HOXA10: variants seen among roughly 807,000 people sequenced by gnomAD.
HOXA10 encodes homeobox protein Hox-A10.
In HOXA10, 12 loss-of-function variants were observed where a neutral mutation model predicts 29.7. That is an observed-to-expected ratio of 0.40 (90% CI 0.26 to 0.65). The LOEUF (loss-of-function observed/expected upper bound fraction) is 0.65, where lower values mean the gene tolerates loss of function less well. Among genes scored for constraint, HOXA10 ranks in the 30% least tolerant of loss-of-function variants. HOXA10 has a pLI of 0.37. For synonymous variants in HOXA10, 327 were observed against 280.7 expected, an observed-to-expected ratio of 1.16 and a Z score of -1.65; for missense variants, 656 against 585.9, an observed-to-expected ratio of 1.12 and a Z score of -1.24.
upstream of HOXA10, among the ~76,000 whole-genome samples, chr7:27,176,427 C>A (rs1783655818): frequency 6.6e-6 from 1 of 152,256 alleles, no homozygotes; most frequent in Non-Finnish European, 1.5e-5. Flanking sequence ...GTGGCCCTAT[C>A]TTTAGCTTCC....
chr7:27,176,402 A>G (rs1280108430), upstream of HOXA10, among the ~76,000 whole-genome samples: 4 of 152,256 alleles, frequency 2.6e-5, no homozygotes, highest in Non-Finnish European at 5.9e-5. Context: ...GAAAAGCTTC[A>G]GAGCACCGCA....
chr7:27,173,533 G>C lies in HOXA10; in HGVS notation c.774C>G (p.Ser258=), dbSNP rs906344838. ...CCTTCCGGGCCGCATCGGCCGAGCC[G>C]GAGGCTAGCGCGGGCGGGAGATCGA... The part of the protein sequence containing the change: ...RGFDLPPALA[S]GSADAARKER... The change falls in exon 1 of 2, where the codon TCC becomes TCG. Residue 258 remains serine (S), a synonymous_variant. Transcript: ENST00000283921. The C allele has an allele frequency of 6.9e-7, 1 of 1,455,386 alleles. No homozygotes were observed. The highest frequency in any genetic ancestry group is 9.0e-7 in the Non-Finnish European group (1 of 1,112,618). 90.2% of individuals were successfully genotyped at this position (1,455,386 alleles called of 1,614,324 possible).
upstream of HOXA10, among the ~76,000 whole-genome samples, chr7:27,176,618 C>A (rs182915295): frequency 6.6e-6 from 1 of 152,362 alleles, no homozygotes; most frequent in East Asian, 1.9e-4. Context: ...GGTCCCAAGA[C>A]CTTCGAGGTT....
At chr7:27,175,033 T>C (rs1386374625), upstream of HOXA10, 2 of 152,286 alleles carry the variant, frequency 1.3e-5, no homozygotes, top group Non-Finnish European at 2.9e-5. Flanking sequence ...TCTGGTGTTG[T>C]GCTCACCCGG....
intron 1 of HOXA10, chr7:27,179,528 G>T: frequency 1.4e-6 from 1 of 709,434 alleles, no homozygotes; most frequent in South Asian, 1.5e-5. Flanking sequence ...TGGGGTGGGG[G>T]CTCCCTACCG....
upstream of HOXA10, among the ~76,000 whole-genome samples, chr7:27,177,927 G>C (rs892906960): frequency 6.6e-6 from 1 of 152,186 alleles, no homozygotes; most frequent in African/African-American, 2.4e-5. Flanking sequence ...TTCTACCCGG[G>C]TAATAACCTG....
At position 27,174,188 on chromosome 7, in the gene HOXA10, C is replaced by G; in HGVS notation, c.119G>C (p.Gly40Ala). Residue 40 changes from glycine to alanine, a missense_variant, in exon 1 of 2, where the codon GGC becomes GCC. Transcript: ENST00000283921. ...LVDSLISSGR[G>A]EAGGGGGGAG... ...GCCACCACCACCGCCGCCTGCCTCG[C>G]CTCTGCCCGAGCTGATGAGCGAGTC... 1 of 1,600,064 alleles carries G rather than the reference C, an allele frequency of 6.2e-7. No homozygotes were observed.
rs1048039544 is a variant in HOXA10, at chr7:27,173,527, C to A, written c.780G>T (p.Ser260=). The change falls in exon 1 of 2, where the codon TCG becomes TCT. Residue 260 remains serine (S), a synonymous_variant. Coordinates refer to ENST00000283921, the MANE Select transcript of HOXA10 (RefSeq NM_018951.4). ...CTCGCTCCTTCCGGGCCGCATCGGC[C>A]GAGCCGGAGGCTAGCGCGGGCGGGA... ...FDLPPALASG[S]ADAARKERAL... The A allele has an allele frequency of 1.4e-6, 2 of 1,457,834 alleles. No homozygotes were observed. The highest frequency in any genetic ancestry group is 2.7e-5 in the Admixed American group (1 of 36,400). The allele number at this position is 1,457,834 out of a possible 1,614,324, so 90.3% of individuals were successfully genotyped here. A position where few individuals can be genotyped will look rare whatever the true frequency, so the allele number is the denominator to read the frequency against.
In HOXA10 at chr7:27,179,543, A is replaced by T; in HGVS notation, c.10+103T>A. On this transcript the variant is annotated intron_variant, in intron 1 of 1. Transcript: ENST00000396344. ...TGGGGTGGGGGCTCCCTACCGCGTC[A>T]CCCCACAAACCCAGCCACGTTCCCG... 3 of 722,916 alleles carry T rather than the reference A, an allele frequency of 4.1e-6. 1 individual carries two copies. In the South Asian group the frequency reaches 4.4e-5, roughly 11 times the overall value. 44.8% of individuals were successfully genotyped at this position (722,916 alleles called of 1,614,324 possible). A position where few individuals can be genotyped will look rare whatever the true frequency, so the allele number is the denominator to read the frequency against.
upstream of HOXA10, chr7:27,174,871 CAG>C (rs1783625751): frequency 6.5e-6 from 1 of 154,646 alleles, no homozygotes; most frequent in African/African-American, 2.4e-5. Flanking sequence ...TCAGGATCCT[CAG>C]AGTGTCAGGA....
Position 27,179,356 on chromosome 7 carries a change from C to T in HOXA10, c.10+290G>A, listed in dbSNP as rs932322576. ...CCCACAACCCCCTATCGCAGCACAG[C>T]TGGAACACTTTCGCCTAGATGCCTC... is the stretch of plus-strand genomic sequence containing the variant. On this transcript the variant is annotated intron_variant, in intron 1 of 1. Transcript: ENST00000396344. Among the ~76,000 whole-genome samples, 119 of 151,074 alleles carry T rather than the reference C, an allele frequency of 7.9e-4. 1 individual carries two copies. Among genetic ancestry groups the T allele is most frequent in the Admixed American group, 5.3e-4 (8 of 15,130 alleles).
Position 27,174,082 on chromosome 7 carries a change from C to T in HOXA10, c.225G>A (p.Leu75=). ...GCGTGGGGAAGAGCCCGCAGCTCTG[C>T]AGCCCGTAGGGCAGGTCGGCGGCGG... ...LPPAADLPYG[L]QSCGLFPTLG... Residue 75 remains leucine, a synonymous_variant, in exon 1 of 2, where the codon CTG becomes CTA. Coordinates refer to ENST00000283921, the MANE Select transcript of HOXA10 (RefSeq NM_018951.4). The T allele has an allele frequency of 6.4e-7, 1 of 1,563,324 alleles. No individual in the cohort carries two copies. The highest frequency in any genetic ancestry group is 8.6e-7 in the Non-Finnish European group (1 of 1,161,098).
chr7:27,172,335 A>C (rs1583432460), intron 1 of HOXA10, 162 bp from the exon 2 acceptor site: 1 of 675,922 alleles, frequency 1.5e-6, no homozygotes, highest in East Asian at 2.7e-5. Context: ...CAGTTCCTCC[A>C]AAAGTCATGA....
chr7:27,179,171 A>G (rs1177078839), upstream of HOXA10, among the ~76,000 whole-genome samples: 1 of 152,234 alleles, frequency 6.6e-6, no homozygotes, highest in Non-Finnish European at 1.5e-5. Context: ...GCTGCCGGGC[A>G]GACATAGAGA....
chr7:27,172,231 C>T (rs916992023), intron 1 of HOXA10, 58 bp from the exon 2 acceptor site: 1 of 1,562,334 alleles, frequency 6.4e-7, no homozygotes, highest in South Asian at 1.1e-5. Flanking sequence ...GGGCTGCCCG[C>T]GGGGGTGAAT....
Position 27,171,274 on chromosome 7 carries a change from CCT to C in HOXA10, c.*623_*624del, listed in dbSNP as rs1179746560. 3 of 454,086 alleles carry C rather than the reference CCT, an allele frequency of 6.6e-6. No individual in the cohort carries two copies. The highest frequency in any genetic ancestry group is 1.3e-5 in the Non-Finnish European group (3 of 226,792). 28.1% of individuals were successfully genotyped at this position (454,086 alleles called of 1,614,324 possible). On this transcript the variant is annotated 3_prime_UTR_variant, in exon 2 of 2. Coordinates refer to ENST00000283921, the MANE Select transcript of HOXA10 (RefSeq NM_018951.4). ...ATCTTACAGAGGAAGGAAAAATTAA[CCT>C]TTTTTACTTTCTTTCTCACTTTTTA...
At chr7:27,179,771 C>T in exon 1 of HOXA10, 1 of 715,080 alleles carries the variant, frequency 1.4e-6, no homozygotes, top group Non-Finnish European at 2.6e-6. Flanking sequence ...GGTGAGTCCC[C>T]TTTTTCTGTT....
At position 27,173,478 on chromosome 7, in the gene HOXA10, TG is replaced by T; in HGVS notation, c.828del (p.Thr277ArgfsTer91). ...KERALDSPPP[P>X]TLACGSGGGS... ...CCCCCGCCGCTGCCGCAAGCCAGCG[TG>T]GGGGGCGGCGGCGAATCGAGGGCTC... On this transcript the variant is annotated frameshift_variant, in exon 1 of 2. Transcript: ENST00000283921. LOFTEE classifies it high-confidence loss of function. 6.4e-7 allele frequency: 1 copy of T among 1,564,722 alleles called. No individual in the cohort carries two copies.
upstream of HOXA10, among the ~76,000 whole-genome samples, chr7:27,178,256 AT>A (rs751609520): frequency 5.9e-5 from 9 of 152,364 alleles, no homozygotes; most frequent in South Asian, 6.2e-4. Context: ...AGAAAAAAAA[AT>A]CAGAGCTTCT....
Sources: gnomAD v4.1 joint callset for allele counts (sites outside exome capture counted in the v4.1 genomes callset) on GRCh38, gnomAD v4.1.1 for gene constraint, MANE v1.5 for transcripts, NCBI Gene and HGNC (gene_info 2026-07-23, HGNC 2026-07-21) for gene names.